Variants in LRRTM4 observed in about 807,000 individuals in gnomAD.
LRRTM4 encodes leucine rich repeat transmembrane neuronal 4, also known as leucine-rich repeat transmembrane neuronal protein 4.
LRRTM4 carries 25 observed loss-of-function variants against 47.6 expected under a neutral mutation model. The ratio of observed to expected loss-of-function variants is 0.53; its 90% CI spans 0.38 to 0.73. LRRTM4 has a LOEUF of 0.73. Ranked by LOEUF, LRRTM4 falls within the 30% of genes least tolerant of loss-of-function variation. The pLI is 0.00. For missense variants in LRRTM4, 638 were observed against 713.4 expected (o/e 0.89, Z 1.20); for synonymous variants, 311 against 269.5 (o/e 1.15, Z -1.51).
At chr2:77,161,818 G>T (rs539808028) in intron 3 of LRRTM4, among the ~76,000 whole-genome samples, 1 of 152,040 alleles carries the variant, frequency 6.6e-6, no homozygotes, top group Non-Finnish European at 1.5e-5. Flanking sequence ...ATTTCACTGA[G>T]TTCCAATGCA....
intron 3 of LRRTM4, among the ~76,000 whole-genome samples, chr2:76,958,348 AT>A (rs1675745024): frequency 6.6e-6 from 1 of 151,716 alleles, no homozygotes; most frequent in East Asian, 1.9e-4. Flanking sequence ...TTGTGTACTG[AT>A]GGATTTTCCA....
intron 3 of LRRTM4, among the ~76,000 whole-genome samples, chr2:76,984,076 A>T (rs1244627856): frequency 6.6e-6 from 1 of 152,032 alleles, no homozygotes; most frequent in Non-Finnish European, 1.5e-5. Flanking sequence ...CTAAACAATG[A>T]TGAATTATTT....
At chr2:77,430,529 C>G (rs1675325275) in intron 3 of LRRTM4, among the ~76,000 whole-genome samples, 1 of 151,922 alleles carries the variant, frequency 6.6e-6, no homozygotes, top group African/African-American at 2.4e-5. Context: ...CGAGACCAGC[C>G]TGACCAACAC....
At chr2:76,965,745 A>T (rs1573377804) in intron 3 of LRRTM4, among the ~76,000 whole-genome samples, 1 of 151,452 alleles carries the variant, frequency 6.6e-6, no homozygotes, top group African/African-American at 2.4e-5. Flanking sequence ...TAAAATACAC[A>T]GTACTTGAAA....
At chr2:77,140,032 G>GA (rs1672073297) in intron 3 of LRRTM4, among the ~76,000 whole-genome samples, 1 of 152,110 alleles carries the variant, frequency 6.6e-6, no homozygotes, top group Admixed American at 6.6e-5. Context: ...TCAATATCCT[G>GA]AAAATGGCCA....
At chr2:76,997,170 T>C (rs1275665544) in intron 3 of LRRTM4, among the ~76,000 whole-genome samples, 2 of 152,164 alleles carry the variant, frequency 1.3e-5, no homozygotes, top group Non-Finnish European at 2.9e-5. Context: ...CAACTATCAA[T>C]TTATGAAGCT....
At chr2:77,402,416 T>A (rs947874722) in intron 3 of LRRTM4, among the ~76,000 whole-genome samples, 2 of 151,998 alleles carry the variant, frequency 1.3e-5, no homozygotes, top group Non-Finnish European at 2.9e-5. Context: ...TCCAAAGAGC[T>A]AGGATTACAG....
intron 3 of LRRTM4, among the ~76,000 whole-genome samples, chr2:77,342,521 A>G (rs898359358): frequency 6.6e-6 from 1 of 152,010 alleles, no homozygotes; most frequent in Admixed American, 6.6e-5. Context: ...CAGTTTGCCA[A>G]TTCATAACTG....
At chr2:77,258,556 C>T (rs1021273352) in intron 3 of LRRTM4, among the ~76,000 whole-genome samples, 1 of 151,870 alleles carries the variant, frequency 6.6e-6, no homozygotes, top group African/African-American at 2.4e-5. Flanking sequence ...ATCTTTACAA[C>T]TTCCTGTGAA....
chr2:76,851,132 G>A (rs981610928), intron 3 of LRRTM4, among the ~76,000 whole-genome samples: 8 of 152,162 alleles, frequency 5.3e-5, no homozygotes, highest in East Asian at 1.9e-4. Context: ...GTTCAGCCTC[G>A]TGCTTGGGCT....
chr2:77,350,757 G>A (rs941791821), intron 3 of LRRTM4, among the ~76,000 whole-genome samples: 1 of 152,026 alleles, frequency 6.6e-6, no homozygotes, highest in African/African-American at 2.4e-5. Context: ...ATATGAATTG[G>A]CAATTACTGA....
intron 3 of LRRTM4, among the ~76,000 whole-genome samples, chr2:76,849,883 G>A (rs1408408105): frequency 6.6e-6 from 1 of 152,072 alleles, no homozygotes; most frequent in African/African-American, 2.4e-5. Context: ...ATGAACTGAT[G>A]TATAATTGTA....
chr2:76,768,038 ATAAT>A (rs1418181151), intron 3 of LRRTM4, among the ~76,000 whole-genome samples: 29 of 152,348 alleles, frequency 1.9e-4, no homozygotes, highest in African/African-American at 6.0e-4. Flanking sequence ...AATTTGTGAC[ATAAT>A]TGATTGATTC....
chr2:77,486,328 G>A (rs969716375), intron 3 of LRRTM4, among the ~76,000 whole-genome samples: 56 of 152,068 alleles, frequency 3.7e-4, no homozygotes, highest in African/African-American at 1.3e-3. Flanking sequence ...CTCAAAAACA[G>A]GGCAGAGCAG....
chr2:77,384,760 G>C lies in LRRTM4; in HGVS notation c.1551+133558C>G, dbSNP rs534466190. On this transcript the variant is annotated intron_variant, in intron 3 of 3. Transcript: ENST00000409884. ...AATCTGAAATAATATTTCTGGGAAA[G>C]TAAATAAACCATTGTTGATGGAACA... 1.2e-4 allele frequency among the ~76,000 whole-genome samples: 18 copies of C among 152,148 alleles called. No homozygotes were observed. The East Asian group carries it at 1.9e-3, about 16-fold the overall frequency.
At chr2:77,339,379 T>G (rs1671285791) in intron 3 of LRRTM4, among the ~76,000 whole-genome samples, 1 of 152,088 alleles carries the variant, frequency 6.6e-6, no homozygotes, top group Admixed American at 6.6e-5. Flanking sequence ...TTTCCTAAAT[T>G]TGTTTAATTT....
intron 3 of LRRTM4, among the ~76,000 whole-genome samples, chr2:76,904,420 T>G (rs1673750773): frequency 6.6e-6 from 1 of 152,204 alleles, no homozygotes; most frequent in African/African-American, 2.4e-5. Flanking sequence ...CTTAGGCATG[T>G]CCTATATACT....
intron 3 of LRRTM4, among the ~76,000 whole-genome samples, chr2:76,868,725 C>G (rs566633625): frequency 2.2e-4 from 34 of 152,188 alleles, no homozygotes; most frequent in Middle Eastern, 3.4e-3. Context: ...GAAGCCTGGT[C>G]CCTTAAATAA....
At chr2:76,781,914 T>A (rs1402397796) in intron 3 of LRRTM4, among the ~76,000 whole-genome samples, 2 of 152,244 alleles carry the variant, frequency 1.3e-5, no homozygotes, top group East Asian at 1.9e-4. Context: ...TGCTGCCTCT[T>A]GATCATCAGA....
Sources: gnomAD v4.1 joint callset for allele counts (sites outside exome capture counted in the v4.1 genomes callset) on GRCh38, gnomAD v4.1.1 for gene constraint, MANE v1.5 for transcripts, NCBI Gene and HGNC (gene_info 2026-07-23, HGNC 2026-07-21) for gene names.